The following ACYP2 variants were observed in gnomAD, a reference collection of about 807,000 sequenced individuals.
ACYP2 encodes acylphosphatase 2, also known as acylphosphatase-2.
ACYP2 carries 12 observed loss-of-function variants against 11.2 expected under a neutral mutation model. The observed-to-expected ratio is 1.08, with a 90% CI of 0.69 to 1.74. ACYP2 has a LOEUF of 1.74. Among genes scored for constraint, ACYP2 ranks in the 40% most tolerant of loss-of-function variants. The pLI is 0.00. For synonymous variants in ACYP2, 43 were observed against 32.2 expected (o/e 1.33, Z -1.13); for missense variants, 134 against 101.9 (o/e 1.31, Z -1.35).
intron 4 of ACYP2, among the ~76,000 whole-genome samples, chr2:54,069,058 G>T (rs1043049983): frequency 2.6e-5 from 4 of 151,924 alleles, no homozygotes; most frequent in Non-Finnish European, 5.9e-5. Flanking sequence ...CTCTTGAGTA[G>T]CTGGGACTAC....
At chr2:54,152,115 C>CTT (rs59900871) in intron 6 of ACYP2, among the ~76,000 whole-genome samples, 24,303 of 106,672 alleles carry the variant, frequency 0.23, 3,221 homozygotes, top group South Asian at 0.39. Context: ...AGGGTTGACT[C>CTT]TTTTTTTTTT....
chr2:54,141,813 C>T (rs1239711167), intron 6 of ACYP2: 3 of 496,912 alleles, frequency 6.0e-6, no homozygotes, highest in African/African-American at 3.8e-5. Context: ...TTGTGTCACA[C>T]ATATGCTTTT....
At chr2:53,986,010 C>T (rs1164819473) in intron 2 of ACYP2, among the ~76,000 whole-genome samples, 1 of 152,088 alleles carries the variant, frequency 6.6e-6, no homozygotes, top group Non-Finnish European at 1.5e-5. Context: ...GTGGCGTTCA[C>T]CTGTAATCCC....
At chr2:54,002,371 A>G (rs1374468096) in intron 2 of ACYP2, among the ~76,000 whole-genome samples, 3 of 142,368 alleles carry the variant, frequency 2.1e-5, no homozygotes, top group East Asian at 4.0e-4. Flanking sequence ...TTTGAGACGG[A>G]GTCTTGCTCT....
intron 4 of ACYP2, among the ~76,000 whole-genome samples, chr2:54,070,898 A>ATTTG (rs112798436): frequency 0.091 from 13,638 of 150,224 alleles, 705 homozygotes; most frequent in Non-Finnish European, 0.12. Context: ...ACACCCAGCT[A>ATTTG]TTTGTTTGTT....
rs931288385 is a variant in ACYP2 at position 54,278,683 on chromosome 2, T to A, written c.405-26005T>A. Among the ~76,000 whole-genome samples the A allele has an allele frequency of 1.7e-4, 26 of 152,344 alleles. No individual in the cohort carries two copies. In the South Asian group the frequency reaches 4.4e-3, roughly 26 times the overall value. On this transcript the variant is annotated intron_variant, in intron 6 of 6. Transcript: ENST00000607452. ...ACATGCATAACAGCATACTTTTTTT[T>A]AAACCATTCTTTTGCTTAGTAGCCA...
chr2:54,093,563 G>C (rs1298621376), intron 4 of ACYP2, among the ~76,000 whole-genome samples: 1 of 152,222 alleles, frequency 6.6e-6, no homozygotes, highest in Admixed American at 6.5e-5. Flanking sequence ...TTCAGGTGCT[G>C]TTTCTGTGTC....
intron 4 of ACYP2, among the ~76,000 whole-genome samples, chr2:54,091,764 G>A (rs368560866): frequency 1.3e-5 from 2 of 152,080 alleles, no homozygotes; most frequent in African/African-American, 4.8e-5. Context: ...CACCCGTCTC[G>A]GCCTCCCAAA....
intron 4 of ACYP2, among the ~76,000 whole-genome samples, chr2:54,059,108 T>A (rs1038498109): frequency 1.3e-5 from 2 of 152,254 alleles, no homozygotes; most frequent in East Asian, 3.8e-4. Flanking sequence ...GAGGGGTTTG[T>A]CCAAGATGGT....
intron 6 of ACYP2, chr2:54,267,414 A>G (rs1166910575): frequency 6.8e-7 from 1 of 1,481,140 alleles, no homozygotes; most frequent in Non-Finnish European, 9.1e-7. Flanking sequence ...ATCCTAAAGT[A>G]AGGGGTGGGA....
At chr2:53,988,196 G>A (rs977192994) in intron 2 of ACYP2, among the ~76,000 whole-genome samples, 9 of 152,068 alleles carry the variant, frequency 5.9e-5, no homozygotes, top group African/African-American at 2.2e-4. Context: ...AAGACTTCAT[G>A]TCATATTAAA....
At chr2:54,240,395 AG>A (rs1686681956) in intron 6 of ACYP2, among the ~76,000 whole-genome samples, 1 of 152,234 alleles carries the variant, frequency 6.6e-6, no homozygotes, top group Non-Finnish European at 1.5e-5. Context: ...CAAACAAAAA[AG>A]AAAATTCACT....
intron 4 of ACYP2, among the ~76,000 whole-genome samples, chr2:54,126,871 T>G (rs552584515): frequency 1.4e-4 from 21 of 151,664 alleles, no homozygotes; most frequent in African/African-American, 5.1e-4. Context: ...GGAGAATAAG[T>G]TGGACCCGGG....
At chr2:53,994,272 G>T (rs575742080) in intron 2 of ACYP2, among the ~76,000 whole-genome samples, 4 of 137,988 alleles carry the variant, frequency 2.9e-5, no homozygotes, top group Non-Finnish European at 4.5e-5. Flanking sequence ...GGAGCTTGCA[G>T]TGAGCAGAGA....
intron 6 of ACYP2, among the ~76,000 whole-genome samples, chr2:54,207,173 A>ATGTGTGTGTG (rs58920943): frequency 0.041 from 5,725 of 138,636 alleles, 150 homozygotes; most frequent in African/African-American, 0.063. Flanking sequence ...CAACATGTAT[A>ATGTGTGTGTG]TGTGTGTGTG....
chr2:54,057,433 T>C (rs969658807), intron 4 of ACYP2: 3 of 393,636 alleles, frequency 7.6e-6, no homozygotes, highest in African/African-American at 6.2e-5. Flanking sequence ...TTTTGGTATA[T>C]AAAATTAGCC....
intron 2 of ACYP2, among the ~76,000 whole-genome samples, chr2:54,041,726 G>C (rs116556694): frequency 6.6e-6 from 1 of 152,192 alleles, no homozygotes; most frequent in Admixed American, 6.5e-5. Context: ...ATATAAGTGA[G>C]TTTAAGCTGG....
intron 4 of ACYP2, among the ~76,000 whole-genome samples, chr2:54,126,954 C>CAAAAAA (rs144107260): frequency 8.1e-6 from 1 of 123,388 alleles, no homozygotes; most frequent in Non-Finnish European, 1.7e-5. Flanking sequence ...AACTCCGTCT[C>CAAAAAA]AAAAAAAAAA....
chr2:53,994,133 A>G (rs951746475), intron 2 of ACYP2, among the ~76,000 whole-genome samples: 6 of 152,172 alleles, frequency 3.9e-5, no homozygotes, highest in Non-Finnish European at 7.4e-5. Context: ...GATCGAGACC[A>G]TCCTGGCTAA....
Sources: gnomAD v4.1 joint callset for allele counts (sites outside exome capture counted in the v4.1 genomes callset) on GRCh38, gnomAD v4.1.1 for gene constraint, MANE v1.5 for transcripts, NCBI Gene and HGNC (gene_info 2026-07-23, HGNC 2026-07-21) for gene names.